FER1L6: variants seen among roughly 807,000 people sequenced by gnomAD.
FER1L6 encodes the protein fer-1 like family member 6.
FER1L6 carries 177 observed loss-of-function variants against 219.2 expected under a neutral mutation model. That is an observed-to-expected ratio of 0.81 (90% CI 0.71 to 0.91). The LOEUF (loss-of-function observed/expected upper bound fraction) is 0.91. Among genes scored for constraint, FER1L6 ranks in the 40% least tolerant of loss-of-function variants. The probability of loss-of-function intolerance (pLI) is 0.00; values close to 1 mark genes in which losing one functional copy is unlikely to be tolerated. For missense variants in FER1L6, 2,153 were observed against 2,259.9 expected, an observed-to-expected ratio of 0.95 and a Z score of 0.96; for synonymous variants, 768 against 824.3, an observed-to-expected ratio of 0.93 and a Z score of 1.17.
chr8:123,891,383 ATATTGAAGT>A (rs1365218733), intron 1 of FER1L6, among the ~76,000 whole-genome samples: 1 of 152,104 alleles, frequency 6.6e-6, no homozygotes. Context: ...ATTTATTCTC[ATATTGAAGT>A]TCCAAAACTG....
At chr8:124,019,646 C>T (rs903357924) in intron 16 of FER1L6, among the ~76,000 whole-genome samples, 2 of 152,158 alleles carry the variant, frequency 1.3e-5, no homozygotes, top group African/African-American at 4.8e-5. Context: ...TTCATTCATT[C>T]CATAAACATT....
intron 1 of FER1L6, among the ~76,000 whole-genome samples, chr8:123,942,426 A>T (rs965379796): frequency 3.7e-4 from 56 of 152,236 alleles, no homozygotes; most frequent in African/African-American, 1.3e-3. Flanking sequence ...GGGGCAGTGT[A>T]TTCCTTTCCT....
chr8:123,935,738 A>T (rs1315513644), intron 1 of FER1L6, among the ~76,000 whole-genome samples: 1 of 152,120 alleles, frequency 6.6e-6, no homozygotes, highest in East Asian at 1.9e-4. Flanking sequence ...TTAAAACCAC[A>T]AGTTAAATGA....
intron 32 of FER1L6, 22 bp downstream of exon 32, chr8:124,076,347 GT>G: frequency 6.2e-7 from 1 of 1,609,430 alleles, no homozygotes; most frequent in Non-Finnish European, 8.5e-7. Flanking sequence ...TCTGGGCTGT[GT>G]TTTATTGTCC....
At chr8:123,869,533 A>G (rs1816891110) in intron 1 of FER1L6, among the ~76,000 whole-genome samples, 1 of 152,236 alleles carries the variant, frequency 6.6e-6, no homozygotes, top group African/African-American at 2.4e-5. Flanking sequence ...CTCAAGCTAA[A>G]GATATGAAAG....
At chr8:124,076,005 G>A (rs1308998413) in intron 31 of FER1L6, among the ~76,000 whole-genome samples, 193 bp from the exon 32 acceptor site, 1 of 152,204 alleles carries the variant, frequency 6.6e-6, no homozygotes, top group African/African-American at 2.4e-5. Context: ...TGCTAAAGTA[G>A]TGGCTCTTAA....
At chr8:124,025,493 T>A (rs1358950191) in intron 18 of FER1L6, among the ~76,000 whole-genome samples, 2 of 152,222 alleles carry the variant, frequency 1.3e-5, no homozygotes, top group African/African-American at 2.4e-5. Context: ...GTTATAAATA[T>A]TTGACTTCAT....
intron 12 of FER1L6, among the ~76,000 whole-genome samples, chr8:123,995,126 C>G (rs1178601608): frequency 6.6e-6 from 1 of 152,192 alleles, no homozygotes; most frequent in Non-Finnish European, 1.5e-5. Flanking sequence ...AGAAAGTTTT[C>G]CTGTTAAGTT....
chr8:124,061,313 TG>T (rs1228758209), intron 24 of FER1L6, among the ~76,000 whole-genome samples: 4 of 152,206 alleles, frequency 2.6e-5, no homozygotes, highest in Non-Finnish European at 4.4e-5. Context: ...AAGAAAAAAT[TG>T]CTTTGCCCAA....
intron 12 of FER1L6, among the ~76,000 whole-genome samples, chr8:123,996,515 GTA>G (rs1817141549): frequency 6.6e-6 from 1 of 151,978 alleles, no homozygotes; most frequent in African/African-American, 2.4e-5. Flanking sequence ...GTCTCTATGT[GTA>G]TTTATAAGTG....
intron 2 of FER1L6, among the ~76,000 whole-genome samples, chr8:123,958,544 G>A (rs567142022): frequency 2.6e-5 from 4 of 152,178 alleles, no homozygotes; most frequent in East Asian, 1.9e-4. Flanking sequence ...TGGCTGTTGC[G>A]AGCCCCAGAT....
At chr8:123,974,424 T>C (rs1815955716) in intron 7 of FER1L6, among the ~76,000 whole-genome samples, 1 of 151,644 alleles carries the variant, frequency 6.6e-6, no homozygotes, top group Non-Finnish European at 1.5e-5. Context: ...TCACTTGAGG[T>C]CAGGAGTTCA....
intron 19 of FER1L6, among the ~76,000 whole-genome samples, chr8:124,035,728 T>A (rs1277644733): frequency 2.6e-5 from 4 of 152,232 alleles, no homozygotes; most frequent in African/African-American, 9.6e-5. Context: ...GCAGATTATG[T>A]AGGTTGAGTT....
intron 13 of FER1L6, among the ~76,000 whole-genome samples, chr8:124,007,865 T>C (rs1025115914): frequency 1.3e-5 from 2 of 151,940 alleles, no homozygotes; most frequent in African/African-American, 2.4e-5. Context: ...TTTACCCTCA[T>C]TGATAGTATG....
At chr8:124,035,831 C>T (rs1470722710) in intron 19 of FER1L6, among the ~76,000 whole-genome samples, 2 of 152,266 alleles carry the variant, frequency 1.3e-5, no homozygotes, top group African/African-American at 2.4e-5. Flanking sequence ...ATGTGGCATT[C>T]GAGTTTTGAC....
intron 1 of FER1L6, among the ~76,000 whole-genome samples, chr8:123,876,720 T>C (rs1247831620): frequency 3.9e-5 from 6 of 152,114 alleles, no homozygotes; most frequent in Admixed American, 2.0e-4. Context: ...TTAATCTGAT[T>C]TTTTTTTCCA....
At chr8:123,989,957 G>C (rs934801519) in intron 12 of FER1L6, among the ~76,000 whole-genome samples, 30 of 152,174 alleles carry the variant, frequency 2.0e-4, no homozygotes, top group African/African-American at 7.2e-4. Flanking sequence ...TTGAATGGTA[G>C]ATCTACTTTT....
chr8:124,081,619 AAAAAAAG>A (rs1308750168), intron 32 of FER1L6, among the ~76,000 whole-genome samples: 4 of 150,228 alleles, frequency 2.7e-5, no homozygotes, highest in Non-Finnish European at 4.4e-5. Context: ...AAAAAAAAAA[AAAAAAAG>A]GGCAGGTCCC....
rs1217463417 is a variant in FER1L6, at chr8:124,010,619, G to T, written c.1726G>T (p.Ala576Ser). ...GAATTACAACTATTTGCCATTTGAG[G>T]CTAAGAAGCCCTGTGTCTATTTCAT... ...NRNYNYLPFE[A>S]KKPCVYFISS... is the part of the protein sequence containing the mutation. Residue 576 changes from alanine to serine, a missense_variant, in exon 14 of 41, where the codon GCT becomes TCT. By Grantham distance (99) the Ala-to-Ser change is moderately conservative (BLOSUM62 1). Transcript: ENST00000522917. 1.2e-6 allele frequency: 2 copies of T among 1,613,912 alleles called. No homozygotes were observed. The highest frequency in any genetic ancestry group is 1.6e-4 in the Middle Eastern group (1 of 6,062).
Sources: allele counts gnomAD v4.1 joint callset (sites outside exome capture counted in the v4.1 genomes callset), GRCh38; gene constraint gnomAD v4.1.1; transcripts MANE v1.5; gene names NCBI Gene and HGNC (gene_info 2026-07-23, HGNC 2026-07-21).